The following CCT6A variants were observed in gnomAD, a reference collection of about 807,000 sequenced individuals.
CCT6A encodes the protein chaperonin containing TCP1 subunit 6A.
In CCT6A, 6 loss-of-function variants were observed where a neutral mutation model predicts 58.6. The ratio of observed to expected loss-of-function variants is 0.10; its 90% confidence interval spans 0.06 to 0.20. The LOEUF is 0.20. CCT6A is among the 10% of genes least tolerant of loss of function. CCT6A has a pLI of 1.00. For missense variants in CCT6A, 516 were observed against 648.8 expected (o/e 0.80, Z 2.22); for synonymous variants, 245 against 227.8 (o/e 1.08, Z -0.68).
intron 10 of CCT6A, 139 bp from the exon 11 acceptor site, chr7:56,060,668 T>C: frequency 8.6e-7 from 1 of 1,165,176 alleles, no homozygotes; most frequent in Non-Finnish European, 1.3e-6. Flanking sequence ...GTTGAACCAT[T>C]CTCCTATTTG....
intron 5 of CCT6A, 80 bp from the exon 6 acceptor site, chr7:56,057,913 A>G (rs1045761022): frequency 1.3e-5 from 10 of 795,012 alleles, no homozygotes; most frequent in African/African-American, 1.2e-4. Context: ...TGAAATATCA[A>G]TACCTTCTCA....
At chr7:56,057,441 G>C (rs890636471) in intron 5 of CCT6A, among the ~76,000 whole-genome samples, 5 of 151,888 alleles carry the variant, frequency 3.3e-5, no homozygotes, top group African/African-American at 1.2e-4. Flanking sequence ...TGGGATTAAG[G>C]TGTCCTCTCA....
At chr7:56,059,396 G>A (rs1794383661) in intron 8 of CCT6A, 148 bp from the exon 9 acceptor site, 2 of 604,352 alleles carry the variant, frequency 3.3e-6, no homozygotes, top group Non-Finnish European at 3.0e-6. Context: ...TTTTTAGCTG[G>A]TTGATGGCAA....
chr7:56,061,424 G>A (rs1461510240), intron 11 of CCT6A, among the ~76,000 whole-genome samples: 1 of 143,246 alleles, frequency 7.0e-6, no homozygotes, highest in Non-Finnish European at 1.5e-5. Flanking sequence ...TTCCCAGGCT[G>A]GAGTGTAATG....
chr7:56,058,759 T>C, intron 8 of CCT6A, 57 bp downstream of exon 8: 6 of 1,065,740 alleles, frequency 5.6e-6, no homozygotes, highest in Non-Finnish European at 8.5e-6. Flanking sequence ...TTATTTCTTT[T>C]TCCTTATACT....
intron 10 of CCT6A, 143 bp from the exon 11 acceptor site, chr7:56,060,664 C>G: frequency 8.7e-7 from 1 of 1,151,056 alleles, no homozygotes; most frequent in Non-Finnish European, 1.3e-6. Flanking sequence ...TCTGGTTGAA[C>G]CATTCTCCTA....
At position 56,051,941 on chromosome 7, in the gene CCT6A, G is replaced by C. The variant is rs1192585092; in HGVS notation, c.93G>C (p.Gln31His). 1.3e-6 allele frequency: 2 copies of C among 1,548,526 alleles called. No homozygotes were observed. Residue 31 changes from glutamine (Q) to histidine (H), a missense_variant, in exon 1 of 14, where the codon CAG (glutamine) becomes CAC (histidine). This residue lies in a region of CCT6A where 116 missense variants were observed against 184.5 expected (regional missense o/e 0.63). Transcript: ENST00000275603. The stretch of plus-strand genomic sequence containing the variant: ...ACATCAGCGCAGCGCGGGGTCTGCA[G>C]GACGTGCTAAGGACCAACCTGGGGC... ...AVNISAARGL[Q>H]DVLRTNLGPK...
intron 8 of CCT6A, 57 bp from the exon 9 acceptor site, chr7:56,059,487 A>C: frequency 2.3e-6 from 2 of 867,544 alleles, no homozygotes; most frequent in Non-Finnish European, 2.0e-6. Flanking sequence ...TACTGGTCTT[A>C]TCTTTGAAAT....
At chr7:56,061,960 G>T in intron 12 of CCT6A, 111 bp downstream of exon 12, 1 of 570,822 alleles carries the variant, frequency 1.8e-6, no homozygotes, top group Non-Finnish European at 3.1e-6. Flanking sequence ...TGCTGTTAGG[G>T]AACTCTGGGT....
At position 56,058,708 on chromosome 7, in the gene CCT6A, C is replaced by G. The variant is rs758163753; in HGVS notation, c.968+6C>G. 1.3e-6 allele frequency: 2 copies of G among 1,495,500 alleles called. No homozygotes were observed. Among genetic ancestry groups the G allele is most frequent in the Admixed American group, 1.9e-5 (1 of 53,380 alleles). 92.6% of individuals were successfully genotyped at this position (1,495,500 alleles called of 1,614,324 possible). ...AAAAGGAGAAATATGGAGAGGTATCCGAGTAATTTGACTTTTACTCATTTT... is the reference window on the plus strand; with the variant it reads ...AAAAGGAGAAATATGGAGAGGTATCGGAGTAATTTGACTTTTACTCATTTT... On this transcript the variant is annotated splice_donor_region_variant and intron_variant, in intron 8 of 13. Coordinates refer to ENST00000275603, the MANE Select transcript of CCT6A (RefSeq NM_001762.4).
chr7:56,055,435 C>T (rs1332603977), intron 3 of CCT6A, 189 bp from the exon 4 acceptor site: 2 of 679,806 alleles, frequency 2.9e-6, no homozygotes, highest in East Asian at 2.6e-5. Flanking sequence ...CATTCATTAC[C>T]TGTTCATCTG....
intron 11 of CCT6A, 62 bp from the exon 12 acceptor site, chr7:56,061,685 T>C (rs1794442906): frequency 1.7e-6 from 1 of 575,670 alleles, no homozygotes. Flanking sequence ...TTTTTTTTTT[T>C]TTTTTTTTTA....
rs1221078027 is a variant in CCT6A, at chr7:56,056,311, G to T, written c.511G>T (p.Ala171Ser). 1.3e-6 allele frequency: 2 copies of T among 1,495,672 alleles called. No homozygotes were observed. Among genetic ancestry groups the T allele is most frequent in the Non-Finnish European group, 1.9e-6 (2 of 1,072,216 alleles). 92.7% of individuals were successfully genotyped at this position (1,495,672 alleles called of 1,614,324 possible). ...AACGGTTATGCTCCTCCAATTGCAG[G>T]CTGTAGTGGACTCCATTTTGGCCAT... ...HAELADVLTE[A>S]VVDSILAIKK... Residue 171 changes from alanine to serine, a missense_variant and splice_region_variant, in exon 5 of 14, where the codon GCT (alanine) becomes TCT (serine). By Grantham distance (99) the Ala-to-Ser change is moderately conservative (BLOSUM62 1). This residue lies in a region of CCT6A where 85 missense variants were observed against 74.9 expected (regional missense o/e 1.13). Coordinates refer to ENST00000275603, the MANE Select transcript of CCT6A (RefSeq NM_001762.4).
Position 56,054,462 on chromosome 7 carries a change from A to G in CCT6A, c.295A>G (p.Ile99Val). 2 of 1,613,566 alleles carry G rather than the reference A, an allele frequency of 1.2e-6. No homozygotes were observed. Among genetic ancestry groups the G allele is most frequent in the Non-Finnish European group, 1.7e-6 (2 of 1,179,762 alleles). The change falls in exon 3 of 14, where the codon ATT becomes GTT. Residue 99 changes from isoleucine to valine, a missense_variant. Ile to Val is a conservative substitution (Grantham distance 29, BLOSUM62 3). Around this residue, in one of 3 missense-constraint regions of CCT6A, gnomAD observed 116 missense variants for 184.5 expected, o/e 0.63. Coordinates refer to ENST00000275603, the MANE Select transcript of CCT6A (RefSeq NM_001762.4). ...TGGTACGACTTCTAATGTCCTAATC[A>G]TTGGAGAGCTGCTGAAACAGGCGGA... ...GDGTTSNVLIIGELLKQADLY... is the reference protein window; with the variant it reads ...GDGTTSNVLIVGELLKQADLY...
intron 2 of CCT6A, among the ~76,000 whole-genome samples, chr7:56,052,792 T>C (rs1243036430): frequency 6.1e-5 from 9 of 148,402 alleles, no homozygotes; most frequent in Admixed American, 2.0e-4. Flanking sequence ...TCTTTTCTTT[T>C]CTTTTTTTTT....
Position 56,061,869 on chromosome 7 carries a change from G to A in CCT6A, c.1450+20G>A, listed in dbSNP as rs770006185. On this transcript the variant is annotated intron_variant, in intron 12 of 13. Coordinates refer to ENST00000275603, the MANE Select transcript of CCT6A (RefSeq NM_001762.4). Reference sequence around the variant, plus strand: ...ACACAGGTAAGAGAATGCAACTGTTGTAGAGGGAAAACTAGATGTAATACG... The same window carrying A: ...ACACAGGTAAGAGAATGCAACTGTTATAGAGGGAAAACTAGATGTAATACG... 6.8e-5 allele frequency: 93 copies of A among 1,360,342 alleles called. No homozygotes were observed. The East Asian group carries it at 2.2e-3, about 32-fold the overall frequency. The allele number at this position is 1,360,342 out of a possible 1,614,324, so 84.3% of individuals were successfully genotyped here.
At chr7:56,062,658 A>AGC in intron 12 of CCT6A, 25 bp from the exon 13 acceptor site, 1 of 1,600,044 alleles carries the variant, frequency 6.2e-7, no homozygotes, top group Non-Finnish European at 8.6e-7. Flanking sequence ...GACTGAACTT[A>AGC]TTTTAAGATT....
intron 3 of CCT6A, 116 bp from the exon 4 acceptor site, chr7:56,055,508 C>G (rs1467612653): frequency 1.2e-6 from 1 of 842,524 alleles, no homozygotes; most frequent in Admixed American, 2.1e-5. Context: ...CATTATATTA[C>G]CTCGTGTTCA....
At chr7:56,060,055 A>G in intron 9 of CCT6A, 1 of 551,248 alleles carries the variant, frequency 1.8e-6, no homozygotes, top group Non-Finnish European at 3.2e-6. Flanking sequence ...ATTTTTGTTT[A>G]TATACATTTT....
Sources: gnomAD v4.1 joint callset for allele counts (sites outside exome capture counted in the v4.1 genomes callset) on GRCh38, gnomAD v4.1.1 for gene constraint, gnomAD v4.1.1 regional missense constraint, MANE v1.5 for transcripts, NCBI Gene and HGNC (gene_info 2026-07-23, HGNC 2026-07-21) for gene names.